Variants in LAMC1 observed in about 807,000 individuals in gnomAD.
The protein encoded by LAMC1 is laminin subunit gamma 1, also known as laminin subunit gamma-1.
Under a neutral mutation model 173.6 loss-of-function variants are expected in LAMC1, and 38 were observed. The observed-to-expected ratio is 0.22, with a 90% confidence interval of 0.17 to 0.29. The LOEUF is 0.29. Among genes scored for constraint, LAMC1 ranks in the 10% least tolerant of loss-of-function variants. LAMC1 has a pLI of 1.00. For synonymous variants in LAMC1, 746 were observed against 749.1 expected (o/e 1.00, Z 0.07); for missense variants, 1,824 against 2,051.8 (o/e 0.89, Z 2.14).
chr1:183,114,374 T>G (rs959323304), intron 4 of LAMC1, among the ~76,000 whole-genome samples, 157 bp from the exon 5 acceptor site: 2 of 152,202 alleles, frequency 1.3e-5, no homozygotes, highest in Non-Finnish European at 2.9e-5. Context: ...CCTGACCTTC[T>G]TGTTGTTGTT....
chr1:183,047,915 C>G (rs986054646), intron 1 of LAMC1, among the ~76,000 whole-genome samples: 1 of 152,078 alleles, frequency 6.6e-6, no homozygotes. Context: ...CCCATGAATA[C>G]AACCACCATG....
intron 1 of LAMC1, among the ~76,000 whole-genome samples, chr1:183,058,549 CTTAAAGGATTCAGGT>C (rs201713837): frequency 0.021 from 3,227 of 152,278 alleles, 63 homozygotes; most frequent in South Asian, 0.079. Flanking sequence ...GAAAACACAT[CTTAAAGGATTCAGGT>C]TTAAGTTTTT....
In LAMC1 at chr1:183,137,694, C is replaced by T. The variant is rs576180448; in HGVS notation, c.4340C>T (p.Ala1447Val). ...QKNATSTKAE[A>V]ERTFAEVTDL... ...AATGCCACCAGCACCAAGGCAGAAG[C>T]TGAAAGAACTTTTGCAGAAGTTACA... Residue 1447 changes from alanine (A) to valine (V), a missense_variant, in exon 26 of 28, where the codon GCT becomes GTT. Ala to Val is a moderately conservative substitution (Grantham distance 64). Coordinates refer to ENST00000258341, the MANE Select transcript of LAMC1 (RefSeq NM_002293.4). The T allele has an allele frequency of 2.9e-5, 47 of 1,596,148 alleles. No individual in the cohort carries two copies. Among genetic ancestry groups the T allele is most frequent in the Non-Finnish European group, 3.9e-5 (46 of 1,171,400 alleles).
At chr1:183,075,355 A>G (rs975674616) in intron 1 of LAMC1, among the ~76,000 whole-genome samples, 10 of 152,140 alleles carry the variant, frequency 6.6e-5, no homozygotes, top group Admixed American at 2.0e-4. Context: ...GACTCAAGCA[A>G]TCCACCCATC....
intron 1 of LAMC1, among the ~76,000 whole-genome samples, chr1:183,048,881 C>T (rs974944396): frequency 1.6e-4 from 24 of 152,150 alleles, no homozygotes; most frequent in African/African-American, 5.8e-4. Context: ...CCAAAGCCCT[C>T]TCGAAAATAC....
Position 183,058,303 on chromosome 1 carries a change from T to TA in LAMC1, c.418+34170dup, listed in dbSNP as rs1654651229. 7.9e-5 allele frequency among the ~76,000 whole-genome samples: 12 copies of TA among 152,356 alleles called. No homozygotes were observed. The South Asian group carries it at 2.3e-3, about 29-fold the overall frequency. On this transcript the variant is annotated intron_variant, in intron 1 of 27. Transcript: ENST00000258341. ...AAGGATATTGAGGGTGACTGAATTTTACAATGCTTTGCATTTTGTACATCT... is the reference window on the plus strand; with the variant it reads ...AAGGATATTGAGGGTGACTGAATTTTAACAATGCTTTGCATTTTGTACATCT...
intron 1 of LAMC1, among the ~76,000 whole-genome samples, chr1:183,085,689 G>C (rs1481516082): frequency 6.6e-6 from 1 of 152,082 alleles, no homozygotes; most frequent in Admixed American, 6.5e-5. Flanking sequence ...TCAAGGGGCG[G>C]GGAGAATGCA....
At chr1:183,041,280 C>T (rs1654124879) in intron 1 of LAMC1, among the ~76,000 whole-genome samples, 1 of 152,214 alleles carries the variant, frequency 6.6e-6, no homozygotes, top group South Asian at 2.1e-4. Flanking sequence ...TCATGGTAAA[C>T]TGTTCATAGT....
At chr1:183,104,733 G>T (rs983407424) in intron 2 of LAMC1, among the ~76,000 whole-genome samples, 11 of 152,228 alleles carry the variant, frequency 7.2e-5, no homozygotes, top group Non-Finnish European at 1.3e-4. Flanking sequence ...GGGTTCAGTT[G>T]CCCCCCTTCC....
chr1:183,080,384 A>G (rs1001631260), intron 1 of LAMC1, among the ~76,000 whole-genome samples: 11 of 152,214 alleles, frequency 7.2e-5, no homozygotes, highest in African/African-American at 2.4e-4. Context: ...TGAAATATAC[A>G]TGTGCAAAAC....
At chr1:183,127,994 G>A (rs2102098733) in intron 17 of LAMC1, among the ~76,000 whole-genome samples, 1 of 152,220 alleles carries the variant, frequency 6.6e-6, no homozygotes, top group Middle Eastern at 3.4e-3. Context: ...TTAGGAATGG[G>A]GCTTAATGGG....
intron 22 of LAMC1, 128 bp downstream of exon 22, chr1:183,133,678 A>G: frequency 1.1e-6 from 1 of 927,242 alleles, no homozygotes; most frequent in Non-Finnish European, 1.6e-6. Flanking sequence ...TATTTCACAT[A>G]CGCTAATAGA....
chr1:183,055,290 A>T (rs182466421), intron 1 of LAMC1, among the ~76,000 whole-genome samples: 2 of 151,618 alleles, frequency 1.3e-5, no homozygotes, highest in Non-Finnish European at 1.5e-5. Context: ...GCGCCCGGAC[A>T]CATCCTTTCT....
At chr1:183,052,738 G>A (rs1219593750) in intron 1 of LAMC1, among the ~76,000 whole-genome samples, 1 of 152,116 alleles carries the variant, frequency 6.6e-6, no homozygotes, top group African/African-American at 2.4e-5. Context: ...TTGGGTGTGT[G>A]TCTTATAATA....
chr1:183,114,130 C>T (rs982166256), intron 4 of LAMC1, among the ~76,000 whole-genome samples: 1 of 152,168 alleles, frequency 6.6e-6, no homozygotes, highest in Non-Finnish European at 1.5e-5. Context: ...TGCCCAGTGG[C>T]GTGATCTCAG....
chr1:183,136,721 T>C (rs76843785), intron 25 of LAMC1, 136 bp downstream of exon 25: 1 of 92,200 alleles, frequency 1.1e-5, no homozygotes, highest in South Asian at 3.0e-4. Flanking sequence ...CATATTTGTC[T>C]TTTTTTTTTT....
rs138247851 is a variant in LAMC1 at position 183,023,599 on chromosome 1, A to G, written c.-118A>G. ...GAGCCGCCGCCACCGCCCGCGCCGG[A>G]GTCAGGCCCCTGGGCCCCCAGGCTC... On this transcript the variant is annotated 5_prime_UTR_variant, in exon 1 of 28. Coordinates refer to ENST00000258341, the MANE Select transcript of LAMC1 (RefSeq NM_002293.4). 0.022 allele frequency: 16,193 copies of G among 748,908 alleles called. 494 individuals carry two copies. Among genetic ancestry groups the G allele is most frequent in the African/African-American group, 0.12 (6,289 of 53,288 alleles). 46.4% of individuals were successfully genotyped at this position (748,908 alleles called of 1,614,324 possible).
In LAMC1 at chr1:183,103,366, C is replaced by T. The variant is rs751263119; in HGVS notation, c.457C>T (p.His153Tyr). 8 of 1,613,994 alleles carry T rather than the reference C, an allele frequency of 5.0e-6. No individual in the cohort carries two copies. The highest frequency in any genetic ancestry group is 5.9e-6 in the Non-Finnish European group (7 of 1,180,008). The change falls in exon 2 of 28, where the codon CAC (histidine) becomes TAC (tyrosine). Residue 153 changes from histidine (H) to tyrosine (Y), a missense_variant. Coordinates refer to ENST00000258341, the MANE Select transcript of LAMC1 (RefSeq NM_002293.4). ...CATCACCTATGTGCGTCTCAAGTTC[C>T]ACACCAGCCGCCCGGAGAGCTTTGC... ...FDITYVRLKF[H>Y]TSRPESFAIY... is the part of the protein sequence containing the mutation.
chr1:183,100,728 T>C (rs1655811136), intron 1 of LAMC1, among the ~76,000 whole-genome samples: 1 of 152,216 alleles, frequency 6.6e-6, no homozygotes, highest in Non-Finnish European at 1.5e-5. Context: ...ATTGCAGTTG[T>C]CTGTATGCGC....
Sources: allele counts gnomAD v4.1 joint callset (sites outside exome capture counted in the v4.1 genomes callset), GRCh38; gene constraint gnomAD v4.1.1; transcripts MANE v1.5; gene names NCBI Gene and HGNC (gene_info 2026-07-23, HGNC 2026-07-21).